The following CCDC171 variants were observed in gnomAD, a reference collection of about 807,000 sequenced individuals.
The protein encoded by CCDC171 is coiled-coil domain containing 171, also known as coiled-coil domain-containing protein 171.
CCDC171 carries 177 observed loss-of-function variants against 168.2 expected under a neutral mutation model. That is an observed-to-expected ratio of 1.05 (90% CI 0.93 to 1.19). CCDC171 has a LOEUF of 1.19. Ranked by LOEUF, CCDC171 falls within the 50% of genes most tolerant of loss-of-function variation. The probability of loss-of-function intolerance (pLI) is 0.00; values close to 1 mark genes in which losing one functional copy is unlikely to be tolerated. For synonymous variants in CCDC171, 687 were observed against 540.8 expected, an observed-to-expected ratio of 1.27 and a Z score of -3.75; for missense variants, 1,991 against 1,539.0, an observed-to-expected ratio of 1.29 and a Z score of -4.91.
At chr9:15,680,179 G>C (rs2049942793) in intron 10 of CCDC171, among the ~76,000 whole-genome samples, 1 of 152,148 alleles carries the variant, frequency 6.6e-6, no homozygotes, top group Admixed American at 6.6e-5. Context: ...TACATACCTA[G>C]ATTCCACTAT....
At chr9:15,948,591 T>G (rs1465365249) in intron 25 of CCDC171, among the ~76,000 whole-genome samples, 2 of 152,122 alleles carry the variant, frequency 1.3e-5, no homozygotes, top group Non-Finnish European at 2.9e-5. Flanking sequence ...GGTGAGCATT[T>G]TTTCATGTGT....
chr9:15,580,875 CA>C (rs1201440078), intron 4 of CCDC171, among the ~76,000 whole-genome samples: 1 of 152,124 alleles, frequency 6.6e-6, no homozygotes, highest in Non-Finnish European at 1.5e-5. Flanking sequence ...CGGCACAAGA[CA>C]AGGATGCCCT....
intron 8 of CCDC171, among the ~76,000 whole-genome samples, chr9:15,660,907 G>T (rs2048264790): frequency 6.6e-6 from 1 of 152,162 alleles, no homozygotes; most frequent in Non-Finnish European, 1.5e-5. Flanking sequence ...TCCACTTTCC[G>T]CAGTGGCTGA....
chr9:15,845,795 G>A (rs544248259), intron 21 of CCDC171: 3 of 152,102 alleles, frequency 2.0e-5, no homozygotes, highest in Admixed American at 2.0e-4. Flanking sequence ...AAAGGAGTAA[G>A]AAGATTTTTA....
At chr9:16,071,090 C>T in the CCDC171 span, among the ~76,000 whole-genome samples, 27 of 152,078 alleles carry the variant, frequency 1.8e-4, no homozygotes, top group African/African-American at 5.3e-4. Flanking sequence ...TCCCAGGAGC[C>T]GTCACAGTGA....
At chr9:16,026,863 A>G (rs1174513129) in intron 6 of CCDC171, among the ~76,000 whole-genome samples, 2 of 152,264 alleles carry the variant, frequency 1.3e-5, no homozygotes, top group African/African-American at 2.4e-5. Context: ...AATTATGTGT[A>G]TTGGTAAATA....
chr9:15,623,385 G>A lies in CCDC171; in HGVS notation c.794G>A (p.Arg265Gln), dbSNP rs764463714. The A allele has an allele frequency of 3.1e-6, 5 of 1,609,550 alleles. No individual in the cohort carries two copies. The African/African-American group carries it at 4.0e-5, about 13-fold the overall frequency. The change falls in exon 7 of 26, where the codon CGA (arginine) becomes CAA (glutamine). Residue 265 changes from arginine to glutamine, a missense_variant. By Grantham distance (43) the Arg-to-Gln change is conservative. Coordinates refer to ENST00000380701, the MANE Select transcript of CCDC171 (RefSeq NM_173550.4). ...QTSELEFSTQ[R>Q]EERLRKEFEA... ...AGTGAACTTGAATTTAGCACTCAACGAGAGGAACGCCTTAGAAAAGAATTT... is the reference window on the plus strand; with the variant it reads ...AGTGAACTTGAATTTAGCACTCAACAAGAGGAACGCCTTAGAAAAGAATTT...
intron 18 of CCDC171, among the ~76,000 whole-genome samples, chr9:15,751,361 T>C (rs538000450): frequency 5.3e-5 from 8 of 152,158 alleles, no homozygotes; most frequent in Non-Finnish European, 1.5e-5. Context: ...CAAAATAATT[T>C]ATAGATTCAG....
chr9:15,989,768 C>G (rs4590533), intron 3 of CCDC171, among the ~76,000 whole-genome samples: 51,041 of 151,994 alleles, frequency 0.34, 10,755 homozygotes, highest in East Asian at 0.63. Flanking sequence ...GGCACGAGAA[C>G]TAGGTGACAA....
chr9:15,813,219 T>A (rs1563789685), intron 21 of CCDC171, among the ~76,000 whole-genome samples: 2 of 152,220 alleles, frequency 1.3e-5, no homozygotes, highest in African/African-American at 2.4e-5. Context: ...GTTATATGGT[T>A]ATGGAAATTT....
intron 7 of CCDC171, among the ~76,000 whole-genome samples, chr9:15,624,893 C>A (rs1040287023): frequency 6.6e-6 from 1 of 152,180 alleles, no homozygotes; most frequent in African/African-American, 2.4e-5. Flanking sequence ...GCCTCACTGT[C>A]TTCCACCATG....
At chr9:15,626,075 T>A (rs916658774) in intron 7 of CCDC171, among the ~76,000 whole-genome samples, 12 of 152,164 alleles carry the variant, frequency 7.9e-5, no homozygotes, top group African/African-American at 2.7e-4. Flanking sequence ...ATTCTCTTTG[T>A]AGCAATCATG....
At chr9:16,061,326 A>G (rs1394595004), downstream of CCDC171, 1 of 152,186 alleles carries the variant, frequency 6.6e-6, no homozygotes, top group African/African-American at 2.4e-5. Context: ...AACATCTTTG[A>G]GGTTCCTTGA....
chr9:15,882,358 G>A (rs1276990606), intron 24 of CCDC171, among the ~76,000 whole-genome samples: 2 of 152,128 alleles, frequency 1.3e-5, no homozygotes, highest in South Asian at 2.1e-4. Context: ...TCAGATGGAC[G>A]ATTTGCGAGT....
chr9:15,981,332 C>T (rs1040970217), intron 3 of CCDC171, among the ~76,000 whole-genome samples: 1 of 152,138 alleles, frequency 6.6e-6, no homozygotes, highest in Non-Finnish European at 1.5e-5. Context: ...CATAAGGACA[C>T]AGTGAGAAGG....
In CCDC171 at chr9:15,711,496, G is replaced by A. The variant is rs139674682; in HGVS notation, c.1319-10273G>A. Among the ~76,000 whole-genome samples, 1,159 of 152,190 alleles carry A rather than the reference G, an allele frequency of 7.6e-3. 12 individuals carry two copies. The highest frequency in any genetic ancestry group is 0.023 in the South Asian group (110 of 4,826). ...TTATTATTTCTCTTTAGGAGAAATT[G>A]TAGACTTTTTTTCCATTTTAGTGAT... On this transcript the variant is annotated intron_variant, in intron 11 of 25. Coordinates refer to ENST00000380701, the MANE Select transcript of CCDC171 (RefSeq NM_173550.4).
At chr9:15,788,787 A>C (rs948216723) in intron 21 of CCDC171, among the ~76,000 whole-genome samples, 3 of 152,138 alleles carry the variant, frequency 2.0e-5, no homozygotes, top group Non-Finnish European at 4.4e-5. Flanking sequence ...TCCTGAGTTC[A>C]AGCGATCCCC....
At chr9:16,049,396 T>G (rs1469082572) in intron 1 of CCDC171, among the ~76,000 whole-genome samples, 3 of 152,150 alleles carry the variant, frequency 2.0e-5, no homozygotes, top group Admixed American at 6.5e-5. Context: ...TTCCAGAGAT[T>G]AGTGTGTGAG....
At chr9:15,760,967 T>A (rs183450740) in intron 18 of CCDC171, among the ~76,000 whole-genome samples, 1 of 152,302 alleles carries the variant, frequency 6.6e-6, no homozygotes, top group Non-Finnish European at 1.5e-5. Flanking sequence ...TTACTTCCAC[T>A]GAAGGGTTAG....
Sources: gnomAD v4.1 joint callset for allele counts (sites outside exome capture counted in the v4.1 genomes callset) on GRCh38, gnomAD v4.1.1 for gene constraint, MANE v1.5 for transcripts, NCBI Gene and HGNC (gene_info 2026-07-23, HGNC 2026-07-21) for gene names.